Variants in CREB5 observed in about 807,000 individuals in gnomAD.
The protein encoded by CREB5 is cyclic AMP-responsive element-binding protein 5.
In CREB5, 19 loss-of-function variants were observed where a neutral mutation model predicts 57.1. That is an observed-to-expected ratio of 0.33 (90% CI 0.23 to 0.49). CREB5 has a LOEUF of 0.49. Among genes scored for constraint, CREB5 ranks in the 20% least tolerant of loss-of-function variants. The pLI, the probability that CREB5 is intolerant of heterozygous loss-of-function variation, is 0.99. For synonymous variants in CREB5, 238 were observed against 238.3 expected, an observed-to-expected ratio of 1.00 and a Z score of 0.01; for missense variants, 579 against 671.6, an observed-to-expected ratio of 0.86 and a Z score of 1.52.
chr7:28,702,941 G>A (rs927806587), intron 5 of CREB5, among the ~76,000 whole-genome samples: 1 of 152,212 alleles, frequency 6.6e-6, no homozygotes, highest in Non-Finnish European at 1.5e-5. Context: ...GTGGGAAAGA[G>A]TGTGGCACAT....
intron 4 of CREB5, among the ~76,000 whole-genome samples, chr7:28,562,244 C>A (rs868241189): frequency 2.0e-5 from 3 of 152,132 alleles, no homozygotes; most frequent in Middle Eastern, 3.2e-3. Flanking sequence ...GAAACATGGA[C>A]AATTCAAGGC....
chr7:28,376,996 A>G (rs1786844596), intron 1 of CREB5, among the ~76,000 whole-genome samples: 1 of 152,230 alleles, frequency 6.6e-6, no homozygotes. Flanking sequence ...TAACTACCGG[A>G]TTATCCATCC....
chr7:28,303,095 T>C (rs552714784), intron 1 of CREB5, among the ~76,000 whole-genome samples: 9 of 151,334 alleles, frequency 5.9e-5, no homozygotes, highest in African/African-American at 2.2e-4. Flanking sequence ...TGAGCCAAGA[T>C]TGTGCCATTG....
intron 5 of CREB5, among the ~76,000 whole-genome samples, chr7:28,617,053 GAATTCTTGGAAGTC>G (rs1271804424): frequency 6.6e-6 from 1 of 152,196 alleles, no homozygotes; most frequent in African/African-American, 2.4e-5. Context: ...AAGGATCCTG[GAATTCTTGGAAGTC>G]TTTCTAAAAA....
chr7:28,692,027 A>AC (rs1554286562), intron 5 of CREB5, among the ~76,000 whole-genome samples: 16 of 150,968 alleles, frequency 1.1e-4, no homozygotes, highest in Non-Finnish European at 1.8e-4. Context: ...AAAAAAAAAA[A>AC]AACAACAAAT....
rs191345243 is a variant in CREB5, at chr7:28,421,904, G to T, written c.3+8987G>T. Reference sequence around the variant, plus strand: ...ATATATATAAAATACCATATATATAGAGAGAGTGTGTATGTGTGTGTATGT... The same window carrying T: ...ATATATATAAAATACCATATATATATAGAGAGTGTGTATGTGTGTGTATGT... On this transcript the variant is annotated intron_variant, in intron 1 of 10. Coordinates refer to ENST00000357727, the MANE Select transcript of CREB5 (RefSeq NM_182898.4). 6.9e-3 allele frequency among the ~76,000 whole-genome samples: 749 copies of T among 107,790 alleles called. 7 individuals are homozygous for T. Among genetic ancestry groups the T allele is most frequent in the African/African-American group, 0.019 (712 of 36,560 alleles). 70.7% of individuals were successfully genotyped at this position (107,790 alleles called of 152,430 possible).
intron 1 of CREB5, among the ~76,000 whole-genome samples, chr7:28,392,634 T>C (rs1322335947): frequency 6.6e-6 from 1 of 152,208 alleles, no homozygotes; most frequent in Non-Finnish European, 1.5e-5. Flanking sequence ...TGATGATAGA[T>C]CAATATTTCC....
intron 5 of CREB5, among the ~76,000 whole-genome samples, chr7:28,656,422 A>T (rs1799335345): frequency 6.6e-6 from 1 of 152,226 alleles, no homozygotes; most frequent in Non-Finnish European, 1.5e-5. Flanking sequence ...GGAGTACAAC[A>T]TTCTTATGAA....
At chr7:28,802,797 G>A (rs894596388) in intron 7 of CREB5, among the ~76,000 whole-genome samples, 17 of 152,234 alleles carry the variant, frequency 1.1e-4, no homozygotes, top group African/African-American at 3.4e-4. Context: ...AATCTGGCCC[G>A]CTGCCTAATT....
At chr7:28,666,854 C>G (rs1373852638) in intron 5 of CREB5, among the ~76,000 whole-genome samples, 2 of 151,600 alleles carry the variant, frequency 1.3e-5, no homozygotes, top group Non-Finnish European at 2.9e-5. Flanking sequence ...ATCAATTGAG[C>G]TCACTTGAGT....
At chr7:28,358,893 A>G (rs1458650171) in intron 1 of CREB5, among the ~76,000 whole-genome samples, 1 of 152,180 alleles carries the variant, frequency 6.6e-6, no homozygotes, top group Non-Finnish European at 1.5e-5. Context: ...TGGTATACGT[A>G]TTGGGGAGTT....
chr7:28,623,715 T>TTCATG lies in CREB5; in HGVS notation c.464+53185_464+53189dup, dbSNP rs1354821122. 3.3e-5 allele frequency among the ~76,000 whole-genome samples: 5 copies of TTCATG among 152,348 alleles called. 1 individual carries two copies. The highest frequency in any genetic ancestry group is 9.6e-5 in the African/African-American group (4 of 41,582). ...TGCCCGTGGCTTAATGATAAGTCTC[T>TTCATG]TCATGTCATGTTAAATGGTTTTGAA... On this transcript the variant is annotated intron_variant, in intron 5 of 10. Transcript: ENST00000357727.
At chr7:28,787,575 G>A (rs1281821528) in intron 7 of CREB5, among the ~76,000 whole-genome samples, 4 of 152,236 alleles carry the variant, frequency 2.6e-5, no homozygotes, top group African/African-American at 4.8e-5. Context: ...CTCTTTTGTC[G>A]TTGTTTTTTG....
intron 1 of CREB5, among the ~76,000 whole-genome samples, chr7:28,470,365 G>A (rs1790754791): frequency 6.6e-6 from 1 of 152,112 alleles, no homozygotes; most frequent in African/African-American, 2.4e-5. Flanking sequence ...TTAACATAGT[G>A]ACCTCCATTT....
chr7:28,783,166 C>G (rs1277105931), intron 7 of CREB5, among the ~76,000 whole-genome samples: 1 of 152,176 alleles, frequency 6.6e-6, no homozygotes, highest in East Asian at 1.9e-4. Flanking sequence ...CCTCACTCCT[C>G]CCACCTGAGA....
At chr7:28,758,302 A>G (rs1805457497) in intron 7 of CREB5, among the ~76,000 whole-genome samples, 1 of 152,214 alleles carries the variant, frequency 6.6e-6, no homozygotes, top group Non-Finnish European at 1.5e-5. Context: ...TAGCCTGCAG[A>G]AATTCCTGCT....
chr7:28,751,800 A>G (rs1804989080), intron 7 of CREB5, among the ~76,000 whole-genome samples: 1 of 151,946 alleles, frequency 6.6e-6, no homozygotes, highest in South Asian at 2.1e-4. Context: ...TTTTTTCACC[A>G]ATGTCTTTTT....
chr7:28,488,077 G>C, intron 1 of CREB5, 98 bp from the exon 2 acceptor site: 1 of 1,018,100 alleles, frequency 9.8e-7, no homozygotes, highest in Admixed American at 1.8e-5. Flanking sequence ...GCATAGAAAG[G>C]GGGCTCTGAG....
chr7:28,663,856 T>A (rs928936754), intron 5 of CREB5, among the ~76,000 whole-genome samples: 2 of 152,220 alleles, frequency 1.3e-5, no homozygotes, highest in Admixed American at 6.5e-5. Flanking sequence ...TTCATGTGCT[T>A]TAGTACTGCA....
Sources: gnomAD v4.1 joint callset for allele counts (sites outside exome capture counted in the v4.1 genomes callset) on GRCh38, gnomAD v4.1.1 for gene constraint, MANE v1.5 for transcripts, NCBI Gene and HGNC (gene_info 2026-07-23, HGNC 2026-07-21) for gene names.